ADGRE5: variants seen among roughly 807,000 people sequenced by gnomAD.
The protein encoded by ADGRE5 is adhesion G protein-coupled receptor E5.
In ADGRE5, 72 loss-of-function variants were observed where a neutral mutation model predicts 100.3. That is an observed-to-expected ratio of 0.72 (90% CI 0.59 to 0.87). ADGRE5 has a LOEUF of 0.87. Among genes scored for constraint, ADGRE5 ranks in the 40% least tolerant of loss-of-function variants. The probability of loss-of-function intolerance (pLI) is 0.00; values close to 1 mark genes in which losing one functional copy is unlikely to be tolerated. For missense variants in ADGRE5, 959 were observed against 1,094.7 expected (o/e 0.88, Z 1.75); for synonymous variants, 439 against 447.8 (o/e 0.98, Z 0.25).
intron 12 of ADGRE5, among the ~76,000 whole-genome samples, chr19:14,403,896 G>A (rs1441071970): frequency 5.4e-5 from 4 of 74,314 alleles, no homozygotes; most frequent in Non-Finnish European, 1.0e-4. Context: ...TTTTTTTTGA[G>A]ATGGAGTTTC....
intron 18 of ADGRE5, among the ~76,000 whole-genome samples, 191 bp downstream of exon 18, chr19:14,407,420 T>C (rs1188203737): frequency 1.3e-5 from 2 of 151,936 alleles, no homozygotes; most frequent in Non-Finnish European, 2.9e-5. Flanking sequence ...GAGGCCGAGG[T>C]GGGCAGATCA....
chr19:14,390,504 A>G (rs1975563142), intron 3 of ADGRE5, among the ~76,000 whole-genome samples: 1 of 151,972 alleles, frequency 6.6e-6, no homozygotes, highest in Admixed American at 6.6e-5. Flanking sequence ...TTGTATTTTT[A>G]GTAGAGACGG....
In ADGRE5 at chr19:14,405,743, C is replaced by G; in HGVS notation, c.1630-5C>G. The G allele has an allele frequency of 6.2e-7, 1 of 1,610,208 alleles. No homozygotes were observed. On this transcript the variant is annotated splice_polypyrimidine_tract_variant and splice_region_variant and intron_variant, in intron 13 of 19. Coordinates refer to ENST00000242786, the MANE Select transcript of ADGRE5 (RefSeq NM_078481.4). ...GGAACCCTGAGCACCCGGTGCCACT[C>G]CTAGGACTGGAAGCTGACCCTGATC... is the stretch of plus-strand genomic sequence containing the variant.
chr19:14,388,818 G>T lies in ADGRE5; in HGVS notation c.190G>T (p.Asp64Tyr), dbSNP rs1235070521. The T allele has an allele frequency of 6.2e-7, 1 of 1,612,980 alleles. No homozygotes were observed. The highest frequency in any genetic ancestry group is 8.5e-7 in the Non-Finnish European group (1 of 1,179,270). ...IITTPTETCD[D>Y]INECATPSKV... is the part of the protein sequence containing the mutation. ...CACCACCCCGACGGAGACTTGTGACGGTACAGAGGCTTGAGGGCAGCGCAG... is the reference window on the plus strand; with the variant it reads ...CACCACCCCGACGGAGACTTGTGACTGTACAGAGGCTTGAGGGCAGCGCAG... The change falls in exon 3 of 20, where the codon GAC (aspartate) becomes TAC (tyrosine). Residue 64 changes from aspartate (D) to tyrosine (Y), a missense_variant and splice_region_variant. Coordinates refer to ENST00000242786, the MANE Select transcript of ADGRE5 (RefSeq NM_078481.4).
intron 9 of ADGRE5, among the ~76,000 whole-genome samples, chr19:14,400,562 C>G (rs982677261): frequency 6.6e-6 from 1 of 152,088 alleles, no homozygotes; most frequent in Non-Finnish European, 1.5e-5. Context: ...GAGGCTGAGG[C>G]AGGCAGATCG....
rs957298686 is a variant in ADGRE5 at position 14,408,657 on chromosome 19, G to A, written c.*536G>A. 3.9e-5 allele frequency: 20 copies of A among 511,968 alleles called. No individual in the cohort carries two copies. The highest frequency in any genetic ancestry group is 6.8e-5 in the South Asian group (2 of 29,476). The allele number at this position is 511,968 out of a possible 1,614,324, so 31.7% of individuals were successfully genotyped here. On this transcript the variant is annotated 3_prime_UTR_variant, in exon 20 of 20. Transcript: ENST00000242786. ...CTGTTGTGAAGGTTGTAGACGTTGT[G>A]TAATGTGTTTTTATCTGTTAAAATT...
chr19:14,398,289 CACAA>C, intron 9 of ADGRE5, 150 bp downstream of exon 9: 1 of 668,642 alleles, frequency 1.5e-6, no homozygotes, highest in East Asian at 2.7e-5. Context: ...ACAGTATGTG[CACAA>C]ACATACACAC....
At chr19:14,399,782 A>G (rs1975939619) in intron 9 of ADGRE5, among the ~76,000 whole-genome samples, 2 of 151,798 alleles carry the variant, frequency 1.3e-5, no homozygotes, top group South Asian at 4.1e-4. Flanking sequence ...TTTTTAGCAC[A>G]GTAGAAAAAT....
intron 4 of ADGRE5, among the ~76,000 whole-genome samples, chr19:14,392,810 C>A (rs555168393): frequency 6.6e-6 from 1 of 150,628 alleles, no homozygotes; most frequent in African/African-American, 2.4e-5. Flanking sequence ...GGCTAAAGCA[C>A]GAGAATCGCT....
intron 9 of ADGRE5, among the ~76,000 whole-genome samples, chr19:14,399,440 T>C (rs1243073638): frequency 1.3e-5 from 2 of 150,412 alleles, no homozygotes; most frequent in Non-Finnish European, 3.0e-5. Flanking sequence ...GGCGGGCGCC[T>C]GTAGTCCCAG....
chr19:14,396,721 G>A (rs974802461), intron 5 of ADGRE5, among the ~76,000 whole-genome samples: 2 of 152,230 alleles, frequency 1.3e-5, no homozygotes, highest in Admixed American at 6.5e-5. Flanking sequence ...CATCTGTCAC[G>A]TGCGAGTGGA....
At position 14,405,945 on chromosome 19, in the gene ADGRE5, G is replaced by A. The variant is rs45442397; in HGVS notation, c.1821+6G>A. Reference sequence around the variant, plus strand: ...TCGAGAACGAAGGCGGCCAGGTGAGGTCCCGCCCCGCTCCCTCCTGAGCTC... The same window carrying A: ...TCGAGAACGAAGGCGGCCAGGTGAGATCCCGCCCCGCTCCCTCCTGAGCTC... On this transcript the variant is annotated splice_donor_region_variant and intron_variant, in intron 14 of 19. Transcript: ENST00000242786. The A allele has an allele frequency of 0.016, 26,175 of 1,602,678 alleles. 267 individuals are homozygous for A. The highest frequency in any genetic ancestry group is 0.02 in the Non-Finnish European group (23,636 of 1,178,894).
At position 14,406,729 on chromosome 19, in the gene ADGRE5, T is replaced by G; in HGVS notation, c.2078T>G (p.Leu693Arg). The change falls in exon 16 of 20, where the codon CTC becomes CGC. Residue 693 changes from leucine (L) to arginine (R), a missense_variant. This residue lies in a region of ADGRE5 where 428 missense variants were observed against 386.2 expected (regional missense o/e 1.11). Transcript: ENST00000242786. This position sits in a 1 kb window ranked among gnomAD's most constrained non-coding sequence, Gnocchi z 6.0. ...YCWLDFEQGF[L>R]WSFLGPVTFI... ...TGGTTGGACTTTGAGCAGGGCTTCC[T>G]CTGGAGCTTCTTGGGACCTGTGACC... 1 of 1,614,140 alleles carries G rather than the reference T, an allele frequency of 6.2e-7. No individual in the cohort carries two copies. The highest frequency in any genetic ancestry group is 8.5e-7 in the Non-Finnish European group (1 of 1,180,010).
intron 3 of ADGRE5, among the ~76,000 whole-genome samples, chr19:14,389,332 G>GGGGGGAGGGGA (rs1975502408): frequency 2.9e-5 from 1 of 34,802 alleles, no homozygotes; most frequent in Non-Finnish European, 4.9e-5. Flanking sequence ...GGGGAGGGAG[G>GGGGGGAGGGGA]GGGGAAGGGG....
At position 14,408,103 on chromosome 19, in the gene ADGRE5, A is replaced by G. The variant is rs2146381616; in HGVS notation, c.2490A>G (p.Ala830=). 1 of 1,613,682 alleles carries G rather than the reference A, an allele frequency of 6.2e-7. No homozygotes were observed. Residue 830 remains alanine (A), a synonymous_variant, in exon 20 of 20, where the codon GCA becomes GCG. Coordinates refer to ENST00000242786, the MANE Select transcript of ADGRE5 (RefSeq NM_078481.4). ...GCTCTCCTCTCCAGGCCCTCAGGGC[A>G]TCAGAGTCCGGCATATGAAGGCGCA... ...TGHNQTRALR[A]SESGI is the part of the protein sequence containing the mutation.
At chr19:14,400,390 G>A (rs1177450083) in intron 9 of ADGRE5, among the ~76,000 whole-genome samples, 2 of 152,102 alleles carry the variant, frequency 1.3e-5, no homozygotes, top group Non-Finnish European at 2.9e-5. Flanking sequence ...CTGGGTTCAA[G>A]TGATCCTCCC....
At chr19:14,383,048 T>G (rs1007509235) in intron 1 of ADGRE5, among the ~76,000 whole-genome samples, 4 of 152,070 alleles carry the variant, frequency 2.6e-5, no homozygotes, top group Non-Finnish European at 5.9e-5. Flanking sequence ...AAAAAATTTT[T>G]TTTAATTAGT....
intron 1 of ADGRE5, among the ~76,000 whole-genome samples, chr19:14,384,751 A>G (rs1220569833): frequency 1.3e-5 from 2 of 148,832 alleles, no homozygotes; most frequent in Middle Eastern, 3.4e-3. Flanking sequence ...TCTGCTCTTT[A>G]TGGGCCCCTT....
chr19:14,404,346 C>T, intron 12 of ADGRE5, 37 bp from the exon 13 acceptor site: 4 of 1,584,390 alleles, frequency 2.5e-6, no homozygotes, highest in African/African-American at 1.3e-5. Context: ...GAGTGAGCTC[C>T]AGGCCAACCT....
Sources: gnomAD v4.1 joint callset for allele counts (sites outside exome capture counted in the v4.1 genomes callset) on GRCh38, gnomAD v4.1.1 for gene constraint, gnomAD v4.1.1 regional missense constraint, Gnocchi (gnomAD v3.1) non-coding constraint, MANE v1.5 for transcripts, NCBI Gene and HGNC (gene_info 2026-07-23, HGNC 2026-07-21) for gene names.